KLF7: variants seen among roughly 807,000 people sequenced by gnomAD.
KLF7 encodes the protein KLF transcription factor 7.
In KLF7, 2 loss-of-function variants were observed where a neutral mutation model predicts 27.3. The ratio of observed to expected loss-of-function variants is 0.07; its 90% CI spans 0.03 to 0.23. KLF7 has a LOEUF of 0.23. Among genes scored for constraint, KLF7 ranks in the 10% least tolerant of loss-of-function variants. KLF7 has a pLI of 1.00. For synonymous variants in KLF7, 165 were observed against 162.4 expected (o/e 1.02, Z -0.12); for missense variants, 221 against 394.1 (o/e 0.56, Z 3.72).
In KLF7 at chr2:207,098,618, C is replaced by CTATTATTAT. The variant is rs71034501; in HGVS notation, c.734-10046_734-10038dup. On this transcript the variant is annotated intron_variant, in intron 2 of 3. Coordinates refer to ENST00000309446, the MANE Select transcript of KLF7 (RefSeq NM_003709.4). ...ACAGACTCTTACTACAATGACCAAG[C>CTATTATTAT]TATTATTATTATTATTATTTTCCTT... is the stretch of plus-strand genomic sequence containing the variant. 1.5e-3 allele frequency among the ~76,000 whole-genome samples: 227 copies of CTATTATTAT among 148,988 alleles called. 2 individuals carry two copies. Among genetic ancestry groups the CTATTATTAT allele is most frequent in the Admixed American group, 3.6e-3 (54 of 14,962 alleles).
chr2:207,106,277 T>C (rs1471587981), intron 2 of KLF7, among the ~76,000 whole-genome samples: 2 of 152,190 alleles, frequency 1.3e-5, no homozygotes, highest in East Asian at 3.9e-4. Flanking sequence ...AAATGGAGAA[T>C]GGGCTGCCAA....
chr2:207,131,674 GA>G (rs1179592628), intron 1 of KLF7, among the ~76,000 whole-genome samples: 1 of 152,188 alleles, frequency 6.6e-6, no homozygotes, highest in Non-Finnish European at 1.5e-5. Context: ...GGAACTTTGT[GA>G]CTCTCTTTCT....
intron 3 of KLF7, among the ~76,000 whole-genome samples, 158 bp from the exon 4 acceptor site, chr2:207,081,422 ATGTT>A (rs1224443401): frequency 6.6e-6 from 1 of 152,202 alleles, no homozygotes; most frequent in African/African-American, 2.4e-5. Flanking sequence ...AAGGGACAAA[ATGTT>A]TGGGTTTAAA....
intron 1 of KLF7, among the ~76,000 whole-genome samples, chr2:207,136,975 T>A (rs2077806826): frequency 1.3e-5 from 2 of 152,314 alleles, no homozygotes; most frequent in Non-Finnish European, 2.9e-5. Context: ...GAGAGGTCAG[T>A]TGTGGGTGCT....
intron 1 of KLF7, among the ~76,000 whole-genome samples, chr2:207,132,077 A>C (rs2077652188): frequency 6.6e-6 from 1 of 152,200 alleles, no homozygotes; most frequent in Non-Finnish European, 1.5e-5. Context: ...GCCTTTCATG[A>C]CCAGGAAATA....
chr2:207,161,477 G>A (rs1197519570), intron 1 of KLF7, among the ~76,000 whole-genome samples: 1 of 152,228 alleles, frequency 6.6e-6, no homozygotes, highest in African/African-American at 2.4e-5. Flanking sequence ...GCGAATTGGG[G>A]ACTGAGGCAA....
Position 207,165,776 on chromosome 2 carries a change from GTGGAT to G in KLF7, c.-213_-209del. The G allele has an allele frequency of 7.0e-7, 1 of 1,431,930 alleles. No homozygotes were observed. Among genetic ancestry groups the G allele is most frequent in the Non-Finnish European group, 9.1e-7 (1 of 1,098,912 alleles). The allele number at this position is 1,431,930 out of a possible 1,614,324, so 88.7% of individuals were successfully genotyped here. On this transcript the variant is annotated 5_prime_UTR_variant, in exon 1 of 4. It removes the in-frame stop codon of an upstream open reading frame in the 5' UTR. Transcript: ENST00000309446. ...GGTGAGAGAGGAGCGAGTGAGTGGG[GTGGAT>G]GGAGAGAGGCATCCAGCGTGTACAG...
chr2:207,167,249 G>C (rs1309778366), upstream of KLF7: 1 of 1,023,346 alleles, frequency 9.8e-7, no homozygotes, highest in African/African-American at 1.7e-5. Context: ...TTACATCTGA[G>C]ATGAAAACCC....
At chr2:207,084,259 CCCTTT>C (rs956952774) in intron 3 of KLF7, among the ~76,000 whole-genome samples, 12 of 152,030 alleles carry the variant, frequency 7.9e-5, no homozygotes, top group African/African-American at 2.9e-4. Flanking sequence ...AGTGGGAAAC[CCCTTT>C]CCTTTCCTTT....
At chr2:207,153,316 G>A (rs756283670) in intron 1 of KLF7, among the ~76,000 whole-genome samples, 7 of 152,296 alleles carry the variant, frequency 4.6e-5, no homozygotes, top group Admixed American at 6.5e-5. Flanking sequence ...AAGCTAGTGA[G>A]AACTGGGGGA....
chr2:207,166,939 G>C (rs2078732327), upstream of KLF7: 2 of 751,702 alleles, frequency 2.7e-6, no homozygotes, highest in Non-Finnish European at 3.5e-6. Context: ...CGCCCCGCGG[G>C]CGCCGCCGCC....
intron 1 of KLF7, among the ~76,000 whole-genome samples, chr2:207,137,670 TGA>T (rs1450689952): frequency 2.6e-4 from 39 of 152,254 alleles, no homozygotes; most frequent in African/African-American, 8.9e-4. Flanking sequence ...CCTATGAGTG[TGA>T]GTGTGTGTGT....
rs77914581 is a variant in KLF7 at position 207,142,794 on chromosome 2, G to T, written c.103-18390C>A. On this transcript the variant is annotated intron_variant, in intron 1 of 3. Coordinates refer to ENST00000309446, the MANE Select transcript of KLF7 (RefSeq NM_003709.4). ...GCAGTCTAGGATTCTGATGAATGGG[G>T]TACACATTACGGAGGAGCAAGAAAT... Among the ~76,000 whole-genome samples, 666 of 152,302 alleles carry T rather than the reference G, an allele frequency of 4.4e-3. 10 individuals carry two copies. In the East Asian group the frequency reaches 0.049, roughly 11 times the overall value.
At chr2:207,119,687 C>T (rs1041552300) in intron 2 of KLF7, among the ~76,000 whole-genome samples, 1 of 152,080 alleles carries the variant, frequency 6.6e-6, no homozygotes, top group Non-Finnish European at 1.5e-5. Flanking sequence ...AATGAATAAA[C>T]CATATGTCCA....
In KLF7 at chr2:207,079,855, G is replaced by A. The variant is rs529436416; in HGVS notation, c.*1358C>T. 3.9e-5 allele frequency: 6 copies of A among 152,286 alleles called. No homozygotes were observed. The highest frequency in any genetic ancestry group is 1.2e-4 in the African/African-American group (5 of 41,544). The allele number at this position is 152,286 out of a possible 1,614,324, so 9.4% of individuals were successfully genotyped here. A position where few individuals can be genotyped will look rare whatever the true frequency, so the allele number is the denominator to read the frequency against. ...GTCAACCCTTCACTCCCACAATGGC[G>A]TTTTAAATTGTGTATTGTAACACGT... On this transcript the variant is annotated 3_prime_UTR_variant, in exon 4 of 4. Coordinates refer to ENST00000309446, the MANE Select transcript of KLF7 (RefSeq NM_003709.4).
At chr2:207,115,085 C>A (rs1174074487) in intron 2 of KLF7, among the ~76,000 whole-genome samples, 2 of 150,578 alleles carry the variant, frequency 1.3e-5, no homozygotes, top group Non-Finnish European at 2.9e-5. Flanking sequence ...GAGTTTTAAT[C>A]TGTAAATGTA....
Position 207,075,303 on chromosome 2 carries a change from TAA to T in KLF7, c.*5908_*5909del, listed in dbSNP as rs2076155083. The T allele has an allele frequency of 6.6e-6, 1 of 150,550 alleles. No individual in the cohort carries two copies. The highest frequency in any genetic ancestry group is 1.5e-5 in the Non-Finnish European group (1 of 67,714). 9.3% of individuals were successfully genotyped at this position (150,550 alleles called of 1,614,324 possible). On this transcript the variant is annotated 3_prime_UTR_variant, in exon 4 of 4. Coordinates refer to ENST00000309446, the MANE Select transcript of KLF7 (RefSeq NM_003709.4). ...TAATACAAATAATAGTTTTAAATCTTAAGACTTTTGTACAGCAAAAAAACTTG... is the reference window on the plus strand; with the variant it reads ...TAATACAAATAATAGTTTTAAATCTTGACTTTTGTACAGCAAAAAAACTTG...
intron 2 of KLF7, among the ~76,000 whole-genome samples, chr2:207,103,061 G>C: frequency 6.6e-6 from 1 of 152,126 alleles, no homozygotes; most frequent in Non-Finnish European, 1.5e-5. Context: ...CTGAGTAGCT[G>C]GGATTACAGG....
At chr2:207,152,091 G>C (rs1253376653) in intron 1 of KLF7, among the ~76,000 whole-genome samples, 1 of 152,128 alleles carries the variant, frequency 6.6e-6, no homozygotes, top group Non-Finnish European at 1.5e-5. Flanking sequence ...TGATTCTCAG[G>C]AAAGTACTTT....
Sources: allele counts gnomAD v4.1 joint callset (sites outside exome capture counted in the v4.1 genomes callset), GRCh38; gene constraint gnomAD v4.1.1; transcripts MANE v1.5; gene names NCBI Gene and HGNC (gene_info 2026-07-23, HGNC 2026-07-21).